Variants in KRT13 observed in about 807,000 individuals in gnomAD.
KRT13 encodes the protein keratin, type I cytoskeletal 13.
KRT13 carries 27 observed loss-of-function variants against 40.6 expected under a neutral mutation model. The observed-to-expected ratio is 0.67, with a 90% CI of 0.49 to 0.92. The LOEUF (loss-of-function observed/expected upper bound fraction) is 0.92. Ranked by LOEUF, KRT13 falls within the 40% of genes least tolerant of loss-of-function variation. The pLI, the probability that KRT13 is intolerant of heterozygous loss-of-function variation, is 0.00. For synonymous variants in KRT13, 266 were observed against 240.3 expected, an observed-to-expected ratio of 1.11 and a Z score of -0.99; for missense variants, 605 against 611.5, an observed-to-expected ratio of 0.99 and a Z score of 0.11.
chr17:41,501,948 G>A, intron 6 of KRT13: 1 of 1,454,918 alleles, frequency 6.9e-7, no homozygotes, highest in African/African-American at 1.4e-5. Flanking sequence ...TGTCTGAGAG[G>A]TCTCAAGGGG....
At chr17:41,503,582 GC>G in intron 2 of KRT13, 60 bp downstream of exon 2, 2 of 1,561,164 alleles carry the variant, frequency 1.3e-6, no homozygotes, top group South Asian at 2.2e-5. Flanking sequence ...GGTCAGATGA[GC>G]TTTTGTCTAA....
chr17:41,503,563 A>T (rs1183981648), intron 2 of KRT13, 80 bp downstream of exon 2: 25 of 1,529,950 alleles, frequency 1.6e-5, no homozygotes, highest in Non-Finnish European at 2.2e-5. Context: ...GGGATGCTCC[A>T]GTGTCATTGG....
At position 41,501,347 on chromosome 17, in the gene KRT13, C is replaced by A. The variant is rs150321809; in HGVS notation, c.1286G>T (p.Arg429Leu). ...AGAAGTCGTGGTAACAGAGGTGCTA[C>A]GGGGGCTGACGCTTCCTGGGAAACA... ...FPSSAGSVSP[R>L]STSVTTTSSA... Residue 429 changes from arginine to leucine, a missense_variant, in exon 8 of 8, where the codon CGT becomes CTT. Transcript: ENST00000246635. The A allele has an allele frequency of 4.5e-6, 7 of 1,564,756 alleles. No individual in the cohort carries two copies. Among genetic ancestry groups the A allele is most frequent in the Admixed American group, 3.9e-5 (2 of 51,696 alleles).
chr17:41,505,408 C>G lies in KRT13; in HGVS notation c.143G>C (p.Gly48Ala). The change falls in exon 1 of 8, where the codon GGC becomes GCC. Residue 48 changes from glycine to alanine, a missense_variant. Gly to Ala is a moderately conservative substitution (Grantham distance 60). Coordinates refer to ENST00000246635, the MANE Select transcript of KRT13 (RefSeq NM_153490.3). ...CCCTCCACCAAAACCACAGCTCACG[C>G]CGCCTCCATAGCCCCCAGCTGATCC... ...SGGSAGGYGG[G>A]VSCGFGGGAG... 12 of 1,613,176 alleles carry G rather than the reference C, an allele frequency of 7.4e-6. No homozygotes were observed. The highest frequency in any genetic ancestry group is 1.0e-5 in the Non-Finnish European group (12 of 1,179,220).
In KRT13 at chr17:41,502,493, G is replaced by A. The variant is rs201273553; in HGVS notation, c.1125C>T (p.Ser375=). 8.1e-5 allele frequency: 130 copies of A among 1,614,100 alleles called. No homozygotes were observed. The highest frequency in any genetic ancestry group is 5.9e-4 in the South Asian group (54 of 91,084). The change falls in exon 6 of 8, where the codon AGC becomes AGT. Residue 375 remains serine (S), a synonymous_variant. Transcript: ENST00000246635. ...GGCACTCCATCTCACTGCGGAGCTC[G>A]CTCAGCTGGGCCTCGATGCTGCTGA... ...GLISSIEAQL[S]ELRSEMECQN...
At position 41,504,004 on chromosome 17, in the gene KRT13, A is replaced by G. The variant is rs531791635; in HGVS notation, c.496-279T>C. 6.6e-5 allele frequency: 29 copies of G among 439,362 alleles called. 1 individual carries two copies. The highest frequency in any genetic ancestry group is 1.2e-4 in the Non-Finnish European group (29 of 238,872). 27.2% of individuals were successfully genotyped at this position (439,362 alleles called of 1,614,324 possible). A position where few individuals can be genotyped will look rare whatever the true frequency, so the allele number is the denominator to read the frequency against. ...TAGACAAGCTTGCTCTGGGGGGTCC[A>G]CGTGCTTGAGGAGGTGGCCTGGGAA... is the stretch of plus-strand genomic sequence containing the variant. On this transcript the variant is annotated intron_variant, in intron 1 of 7. Coordinates refer to ENST00000246635, the MANE Select transcript of KRT13 (RefSeq NM_153490.3).
rs150845230 is a variant in KRT13, at chr17:41,502,589, C to G, written c.1029G>C (p.Ala343=). ...IELQSQLSMK[A]GLENTVAETE... Reference sequence around the variant, plus strand: ...TCTCTGCCACCGTGTTCTCCAGCCCCGCTTTCTGGTGGAGCGACAGACAAG... The same window carrying G: ...TCTCTGCCACCGTGTTCTCCAGCCCGGCTTTCTGGTGGAGCGACAGACAAG... The change falls in exon 6 of 8, where the codon GCG becomes GCC. Residue 343 remains alanine (A), a synonymous_variant. Transcript: ENST00000246635. The G allele has an allele frequency of 4.3e-6, 7 of 1,613,578 alleles. No homozygotes were observed. The highest frequency in any genetic ancestry group is 1.7e-5 in the Admixed American group (1 of 60,028).
intron 6 of KRT13, chr17:41,502,051 T>G: frequency 7.1e-7 from 1 of 1,414,496 alleles, no homozygotes; most frequent in Non-Finnish European, 9.2e-7. Flanking sequence ...CCCACAGGGG[T>G]GGCTTGATTT....
intron 1 of KRT13, 150 bp downstream of exon 1, chr17:41,504,906 G>A (rs1315802257): frequency 2.4e-6 from 2 of 825,688 alleles, no homozygotes; most frequent in Non-Finnish European, 3.7e-6. Context: ...CCCATCAGAG[G>A]TAGAGACTCT....
rs750110704 is a variant in KRT13 at position 41,502,426 on chromosome 17, G to A, written c.1192C>T (p.Leu398=). ...YKMLLDIKTR[L]EQEIATYRSL... is the part of the protein sequence containing the mutation. Reference sequence around the variant, plus strand: ...CGGTAGGTGGCGATCTCCTGCTCCAGACGTGTCTTGATGTCCAGCAGCATC... The same window carrying A: ...CGGTAGGTGGCGATCTCCTGCTCCAAACGTGTCTTGATGTCCAGCAGCATC... Residue 398 remains leucine (L), a synonymous_variant, in exon 6 of 8, where the codon CTG becomes TTG. Transcript: ENST00000246635. The A allele has an allele frequency of 3.7e-6, 6 of 1,614,248 alleles. No homozygotes were observed. Among genetic ancestry groups the A allele is most frequent in the Non-Finnish European group, 5.1e-6 (6 of 1,180,044 alleles).
Position 41,501,338 on chromosome 17 carries a change from G to A in KRT13, c.1295C>T (p.Ser432Phe). 1 of 1,570,382 alleles carries A rather than the reference G, an allele frequency of 6.4e-7. No homozygotes were observed. The highest frequency in any genetic ancestry group is 8.6e-7 in the Non-Finnish European group (1 of 1,157,246). The change falls in exon 8 of 8, where the codon TCT becomes TTT. Residue 432 changes from serine (S) to phenylalanine (F), a missense_variant. Physicochemically the swap from Ser to Phe is radical, Grantham distance 155. Transcript: ENST00000246635. ...SAGSVSPRST[S>F]VTTTSSASVT... Reference sequence around the variant, plus strand: ...AGAGGCACTAGAAGTCGTGGTAACAGAGGTGCTACGGGGGCTGACGCTTCC... The same window carrying A: ...AGAGGCACTAGAAGTCGTGGTAACAAAGGTGCTACGGGGGCTGACGCTTCC...
In KRT13 at chr17:41,502,969, G is replaced by T; in HGVS notation, c.865C>A (p.Arg289Ser). Residue 289 changes from arginine to serine, a missense_variant, in exon 4 of 8, where the codon CGC becomes AGC. Transcript: ENST00000246635. ...EQYEAMAERN[R>S]RDAEEWFHTK... is the part of the protein sequence containing the mutation. ...TGGAACCATTCCTCAGCATCCCGGC[G>T]GTTCCTCTCTGCCATGGCCTCGTAC... The T allele has an allele frequency of 1.2e-6, 2 of 1,614,174 alleles. No homozygotes were observed. The highest frequency in any genetic ancestry group is 1.7e-6 in the Non-Finnish European group (2 of 1,180,034).
chr17:41,502,237 A>T, intron 6 of KRT13, 137 bp downstream of exon 6: 2 of 1,592,228 alleles, frequency 1.3e-6, no homozygotes, highest in East Asian at 2.3e-5. Context: ...CAGCCTACCA[A>T]GGAAATGTCC....
At chr17:41,503,808 G>T in intron 1 of KRT13, 83 bp from the exon 2 acceptor site, 1 of 1,046,250 alleles carries the variant, frequency 9.6e-7, no homozygotes, top group Non-Finnish European at 1.5e-6. Context: ...AAGAAGAATT[G>T]TCTTGGGCAA....
rs1904880877 is a variant in KRT13 at position 41,502,372 on chromosome 17, A to G, written c.1244+2T>C. 1 of 1,614,040 alleles carries G rather than the reference A, an allele frequency of 6.2e-7. No individual in the cohort carries two copies. The highest frequency in any genetic ancestry group is 1.3e-5 in the African/African-American group (1 of 74,944). ...CTAAGAAAGAGGCTGGAGAGGACCTACTTGGCGTCCTGGCCCTCGAGCAGG... is the reference window on the plus strand; with the variant it reads ...CTAAGAAAGAGGCTGGAGAGGACCTGCTTGGCGTCCTGGCCCTCGAGCAGG... On this transcript the variant is annotated splice_donor_variant, in intron 6 of 7. Coordinates refer to ENST00000246635, the MANE Select transcript of KRT13 (RefSeq NM_153490.3). LOFTEE classifies it high-confidence loss of function.
chr17:41,505,587 C>A lies in KRT13; in HGVS notation c.-37G>T, dbSNP rs374452685. 137 of 1,613,124 alleles carry A rather than the reference C, an allele frequency of 8.5e-5. No individual in the cohort carries two copies. The Middle Eastern group carries it at 1.2e-3, about 14-fold the overall frequency. ...GATTGAGAGCAGGTGCAGATAGAAG[C>A]TTGCTTGGCCTGGGCCGAGGACTGT... is the stretch of plus-strand genomic sequence containing the variant. On this transcript the variant is annotated 5_prime_UTR_variant, in exon 1 of 8. Transcript: ENST00000246635.
chr17:41,503,761 G>C (rs933045041), intron 1 of KRT13, 36 bp from the exon 2 acceptor site: 1 of 1,552,130 alleles, frequency 6.4e-7, no homozygotes, highest in Non-Finnish European at 8.9e-7. Context: ...TCTAGGGCAT[G>C]GGTGTCCAGT....
rs574184263 is a variant in KRT13 at position 41,501,028 on chromosome 17, G to C, written c.*228C>G. 2.8e-4 allele frequency: 124 copies of C among 445,464 alleles called. 1 individual carries two copies. The highest frequency in any genetic ancestry group is 6.8e-4 in the Middle Eastern group (1 of 1,480). The allele number at this position is 445,464 out of a possible 1,614,324, so 27.6% of individuals were successfully genotyped here. A position where few individuals can be genotyped will look rare whatever the true frequency, so the allele number is the denominator to read the frequency against. ...ACTTTATTGAATAATCTTTTCTTTG[G>C]GGTAGAGAAGTTGAGAAACCAAAGC... On this transcript the variant is annotated 3_prime_UTR_variant, in exon 8 of 8. Transcript: ENST00000246635.
Position 41,501,237 on chromosome 17 carries a change from G to C in KRT13, c.*19C>G, listed in dbSNP as rs760565338. 3 of 1,518,416 alleles carry C rather than the reference G, an allele frequency of 2.0e-6. No individual in the cohort carries two copies. Among genetic ancestry groups the C allele is most frequent in the African/African-American group, 1.4e-5 (1 of 72,620 alleles). The allele number at this position is 1,518,416 out of a possible 1,614,324, so 94.1% of individuals were successfully genotyped here. On this transcript the variant is annotated 3_prime_UTR_variant, in exon 8 of 8. Coordinates refer to ENST00000246635, the MANE Select transcript of KRT13 (RefSeq NM_153490.3). Reference sequence around the variant, plus strand: ...CTCCTCTGGGTGCTGAAGACAGAGGGAGGGGACGCCAGGCAGATTTAAGGC... The same window carrying C: ...CTCCTCTGGGTGCTGAAGACAGAGGCAGGGGACGCCAGGCAGATTTAAGGC...
Sources: gnomAD v4.1 joint callset for allele counts on GRCh38, gnomAD v4.1.1 for gene constraint, MANE v1.5 for transcripts, NCBI Gene and HGNC (gene_info 2026-07-23, HGNC 2026-07-21) for gene names.